SLC9B1: variants seen among roughly 807,000 people sequenced by gnomAD.
SLC9B1 encodes solute carrier family 9 member B1.
A neutral mutation model predicts 51.7 loss-of-function variants in SLC9B1; 32 were observed. The observed-to-expected ratio is 0.62, with a 90% confidence interval of 0.47 to 0.83. The LOEUF is 0.83. Ranked by LOEUF, SLC9B1 falls within the 40% of genes least tolerant of loss-of-function variation. SLC9B1 has a pLI of 0.00. For missense variants in SLC9B1, 406 were observed against 613.2 expected (o/e 0.66, Z 3.57); for synonymous variants, 145 against 212.7 (o/e 0.68, Z 2.77).
chr4:103,011,337 G>A (rs1017854736), intron 1 of SLC9B1, among the ~76,000 whole-genome samples: 2 of 152,164 alleles, frequency 1.3e-5, no homozygotes, highest in Non-Finnish European at 2.9e-5. Context: ...ATGTCTCCTG[G>A]GAGCCTTGCC....
chr4:102,946,356 G>A (rs577986084), intron 5 of SLC9B1, among the ~76,000 whole-genome samples: 1 of 152,170 alleles, frequency 6.6e-6, no homozygotes, highest in African/African-American at 2.4e-5. Flanking sequence ...TGTCCCCCAG[G>A]CTGGAGTGCA....
At chr4:103,000,616 G>C (rs980088452) in intron 1 of SLC9B1, among the ~76,000 whole-genome samples, 16 of 152,188 alleles carry the variant, frequency 1.1e-4, no homozygotes, top group Admixed American at 1.0e-3. Flanking sequence ...ATCCAGTGGG[G>C]GCAGTCATTA....
intron 9 of SLC9B1, among the ~76,000 whole-genome samples, chr4:102,908,434 A>C (rs554381558): frequency 6.6e-6 from 1 of 152,406 alleles, no homozygotes; most frequent in Admixed American, 6.5e-5. Context: ...ATGTAGTTCT[A>C]TCTCTGTTCA....
chr4:102,886,203 C>T (rs76611891), intron 11 of SLC9B1, among the ~76,000 whole-genome samples: 6 of 151,990 alleles, frequency 3.9e-5, no homozygotes, highest in East Asian at 3.9e-4. Flanking sequence ...AACGAATACA[C>T]GCAGGCCAGG....
chr4:102,937,440 A>G (rs1736776048), intron 6 of SLC9B1, among the ~76,000 whole-genome samples: 1 of 116,570 alleles, frequency 8.6e-6, no homozygotes, highest in Non-Finnish European at 1.8e-5. Context: ...AAAAAAAAAA[A>G]ACTTGGCTGG....
chr4:102,966,029 T>G (rs1738407776), intron 3 of SLC9B1, among the ~76,000 whole-genome samples: 1 of 152,206 alleles, frequency 6.6e-6, no homozygotes, highest in African/African-American at 2.4e-5. Context: ...CAGCCCCACC[T>G]CCATTGCTTT....
intron 3 of SLC9B1, among the ~76,000 whole-genome samples, chr4:102,984,989 G>A (rs1006157797): frequency 2.6e-5 from 4 of 152,036 alleles, no homozygotes; most frequent in East Asian, 1.9e-4. Context: ...CTTGACTCAC[G>A]TATTTTAATA....
At chr4:102,893,899 CA>C (rs960102124) in intron 11 of SLC9B1, among the ~76,000 whole-genome samples, 2 of 151,942 alleles carry the variant, frequency 1.3e-5, no homozygotes, top group Admixed American at 1.3e-4. Flanking sequence ...CATCTCAAAA[CA>C]AAAAAACAAA....
intron 2 of SLC9B1, among the ~76,000 whole-genome samples, 197 bp downstream of exon 2, chr4:102,991,446 A>G (rs1198716593): frequency 6.6e-6 from 1 of 152,082 alleles, no homozygotes; most frequent in Non-Finnish European, 1.5e-5. Context: ...AAAATGCTCT[A>G]TAGTCACACC....
intron 1 of SLC9B1, among the ~76,000 whole-genome samples, chr4:103,007,849 C>G (rs2110537519): frequency 6.6e-6 from 1 of 152,168 alleles, no homozygotes; most frequent in African/African-American, 2.4e-5. Context: ...GCCTTGGCCT[C>G]CCAAATCTCA....
At position 102,991,632 on chromosome 4, in the gene SLC9B1, T is replaced by C. The variant is rs1056391418; in HGVS notation, c.69+11A>G. 1.9e-6 allele frequency: 3 copies of C among 1,553,332 alleles called. No homozygotes were observed. In the Admixed American group the frequency reaches 5.4e-5, roughly 28 times the overall value. On this transcript the variant is annotated intron_variant, in intron 2 of 11. Transcript: ENST00000296422. ...TATATCATATATTACAGTATACTTT[T>C]AAGTTTTTACCTGAGGAGTTGTAGA...
chr4:102,928,207 C>G (rs1560932823), intron 7 of SLC9B1, among the ~76,000 whole-genome samples: 1 of 152,102 alleles, frequency 6.6e-6, no homozygotes. Context: ...CACCTGTACC[C>G]TAGAACTTAA....
intron 6 of SLC9B1, among the ~76,000 whole-genome samples, chr4:102,934,763 C>CAAA (rs772664880): frequency 5.2e-5 from 6 of 115,526 alleles, no homozygotes; most frequent in East Asian, 5.0e-4. Flanking sequence ...GACTCTGTCA[C>CAAA]AAAAAAAAAA....
At chr4:102,977,267 A>G (rs981466987) in intron 3 of SLC9B1, among the ~76,000 whole-genome samples, 5 of 150,602 alleles carry the variant, frequency 3.3e-5, no homozygotes, top group South Asian at 4.2e-4. Flanking sequence ...TGAGCTCTCT[A>G]GGCTGTATAA....
chr4:102,963,138 C>A, intron 3 of SLC9B1: 1 of 360,526 alleles, frequency 2.8e-6, no homozygotes, highest in Admixed American at 3.7e-5. Flanking sequence ...AGCTCAGTGG[C>A]AGGAGAATCA....
At chr4:102,900,230 C>T (rs1360531563), downstream of SLC9B1, among the ~76,000 whole-genome samples, 1 of 152,106 alleles carries the variant, frequency 6.6e-6, no homozygotes, top group Non-Finnish European at 1.5e-5. Context: ...TTATATGACT[C>T]TTATAACTTT....
Position 102,961,329 on chromosome 4 carries a change from T to C in SLC9B1, c.212-11902A>G, listed in dbSNP as rs1449033190. 2.0e-5 allele frequency among the ~76,000 whole-genome samples: 3 copies of C among 152,282 alleles called. No individual in the cohort carries two copies. In the East Asian group the frequency reaches 5.8e-4, roughly 29 times the overall value. ...CAATTATTATGTAAGTATCTTCCTTTTTCTGAATCACCCATGATTACTTTT... is the reference window on the plus strand; with the variant it reads ...CAATTATTATGTAAGTATCTTCCTTCTTCTGAATCACCCATGATTACTTTT... On this transcript the variant is annotated intron_variant, in intron 3 of 11. Coordinates refer to ENST00000296422, the MANE Select transcript of SLC9B1 (RefSeq NM_139173.4).
At chr4:102,900,563 G>A (rs1017744715), downstream of SLC9B1, among the ~76,000 whole-genome samples, 3 of 152,134 alleles carry the variant, frequency 2.0e-5, no homozygotes, top group African/African-American at 7.2e-5. Flanking sequence ...AGTAAGGAAA[G>A]ACTAACTTGG....
At chr4:102,956,427 CAA>C (rs1737819202) in intron 3 of SLC9B1, among the ~76,000 whole-genome samples, 1 of 151,670 alleles carries the variant, frequency 6.6e-6, no homozygotes, top group Admixed American at 6.6e-5. Flanking sequence ...AGGAAAGACT[CAA>C]GAGAGTATGA....
Sources: allele counts gnomAD v4.1 joint callset (sites outside exome capture counted in the v4.1 genomes callset), GRCh38; gene constraint gnomAD v4.1.1; transcripts MANE v1.5; gene names NCBI Gene and HGNC (gene_info 2026-07-23, HGNC 2026-07-21).